Variants in NIBAN2 observed in about 807,000 individuals in gnomAD.
NIBAN2 encodes niban apoptosis regulator 2.
NIBAN2 carries 36 observed loss-of-function variants against 81.8 expected under a neutral mutation model. The observed-to-expected ratio is 0.44, with a 90% CI of 0.34 to 0.58. The LOEUF (loss-of-function observed/expected upper bound fraction) is 0.58. Among genes scored for constraint, NIBAN2 ranks in the 20% least tolerant of loss-of-function variants. NIBAN2 has a pLI of 0.02. For synonymous variants in NIBAN2, 445 were observed against 441.6 expected (o/e 1.01, Z -0.10); for missense variants, 897 against 1,014.1 (o/e 0.88, Z 1.57).
intron 1 of NIBAN2, among the ~76,000 whole-genome samples, chr9:127,553,946 T>A (rs1393880037): frequency 6.6e-6 from 1 of 152,062 alleles, no homozygotes; most frequent in Non-Finnish European, 1.5e-5. Context: ...GCTTTCCCAG[T>A]TGGATGGTAC....
chr9:127,524,914 A>T (rs1363365241), intron 4 of NIBAN2, 144 bp downstream of exon 4: 2 of 622,394 alleles, frequency 3.2e-6, no homozygotes, highest in Non-Finnish European at 5.7e-6. Context: ...AAGGCAAACA[A>T]TGAGGTCTCC....
In NIBAN2 at chr9:127,508,323, G is replaced by T. The variant is rs952907406; in HGVS notation, c.1434+99C>A. On this transcript the variant is annotated intron_variant, in intron 11 of 13. Transcript: ENST00000373312. The surrounding 1 kb of genome is among the most constrained non-coding windows in gnomAD (Gnocchi z 6.4). ...CTCATCCGCACAAGAGGACCATGGC[G>T]CCTCCTTGCAGGGACAGCAATCCTG... is the stretch of plus-strand genomic sequence containing the variant. The T allele has an allele frequency of 3.0e-6, 4 of 1,323,146 alleles. No homozygotes were observed. Among genetic ancestry groups the T allele is most frequent in the East Asian group, 4.6e-5 (2 of 43,428 alleles). 82.0% of individuals were successfully genotyped at this position (1,323,146 alleles called of 1,614,324 possible).
intron 3 of NIBAN2, among the ~76,000 whole-genome samples, chr9:127,526,822 C>T (rs146054774): frequency 6.6e-6 from 1 of 152,138 alleles, no homozygotes; most frequent in African/African-American, 2.4e-5. Flanking sequence ...CTGTGGCTGT[C>T]GAGGGTGGGA....
intron 1 of NIBAN2, among the ~76,000 whole-genome samples, chr9:127,567,458 CCT>C (rs1364398738): frequency 1.3e-5 from 2 of 152,194 alleles, no homozygotes; most frequent in Admixed American, 1.3e-4. Flanking sequence ...CCCAGTCACC[CCT>C]GTGCCCAGCC....
chr9:127,523,810 T>C lies in NIBAN2; in HGVS notation c.458A>G (p.Lys153Arg), dbSNP rs1300814996. The C allele has an allele frequency of 6.2e-7, 1 of 1,613,334 alleles. No homozygotes were observed. The highest frequency in any genetic ancestry group is 8.5e-7 in the Non-Finnish European group (1 of 1,179,374). Residue 153 changes from lysine to arginine, a missense_variant, in exon 5 of 14, where the codon AAG becomes AGG. Physicochemically the swap from Lys to Arg is conservative, Grantham distance 26. This residue lies in a region of NIBAN2 where 209 missense variants were observed against 208.4 expected (regional missense o/e 1.00). Coordinates refer to ENST00000373312, the MANE Select transcript of NIBAN2 (RefSeq NM_022833.4). ...TAKSGSAPIL[K>R]CPTQFPLILW... ...GATGAGCGGGAACTGTGTGGGGCACTTGAGGATGGGGGCACTGCCCGACTT... is the reference window on the plus strand; with the variant it reads ...GATGAGCGGGAACTGTGTGGGGCACCTGAGGATGGGGGCACTGCCCGACTT...
intron 1 of NIBAN2, among the ~76,000 whole-genome samples, chr9:127,542,028 G>A (rs1448628950): frequency 2.0e-5 from 3 of 152,110 alleles, no homozygotes; most frequent in African/African-American, 4.8e-5. Context: ...TGTGCCCGCC[G>A]CAGCCACTGA....
At chr9:127,523,915 T>C (rs928909555) in intron 4 of NIBAN2, 69 bp from the exon 5 acceptor site, 6 of 1,521,962 alleles carry the variant, frequency 3.9e-6, no homozygotes, top group Non-Finnish European at 5.4e-6. Flanking sequence ...GTCAGAGAAC[T>C]GATCCCTTGG....
At chr9:127,543,067 A>G (rs1378304315) in intron 1 of NIBAN2, among the ~76,000 whole-genome samples, 1 of 152,164 alleles carries the variant, frequency 6.6e-6, no homozygotes, top group African/African-American at 2.4e-5. Flanking sequence ...TCCCTTAAAG[A>G]CAGCATCCCT....
intron 1 of NIBAN2, among the ~76,000 whole-genome samples, chr9:127,544,856 C>G (rs939993533): frequency 6.6e-5 from 10 of 152,200 alleles, no homozygotes; most frequent in African/African-American, 2.2e-4. Flanking sequence ...ATGGCACATT[C>G]CCTCATTCAT....
chr9:127,507,047 T>A lies in NIBAN2; in HGVS notation c.2039A>T (p.Glu680Val). ...GPLLNGAPAGESPQPKAAPEA... is the reference protein window; with the variant it reads ...GPLLNGAPAGVSPQPKAAPEA... ...GGGGGCGGCCTTAGGCTGGGGACTC[T>A]CCCCAGCGGGGGCCCCGTTGAGCAG... Residue 680 changes from glutamate (E) to valine (V), a missense_variant, in exon 14 of 14, where the codon GAG becomes GTG. This residue lies in a region of NIBAN2 where 619 missense variants were observed against 691.0 expected (regional missense o/e 0.90). Transcript: ENST00000373312. The surrounding 1 kb of genome is among the most constrained non-coding windows in gnomAD (Gnocchi z 6.8). 1 of 1,581,138 alleles carries A rather than the reference T, an allele frequency of 6.3e-7. No individual in the cohort carries two copies. Among genetic ancestry groups the A allele is most frequent in the Non-Finnish European group, 8.6e-7 (1 of 1,162,718 alleles).
chr9:127,509,637 G>A (rs895621305), intron 9 of NIBAN2, among the ~76,000 whole-genome samples: 6 of 152,058 alleles, frequency 3.9e-5, no homozygotes, highest in Non-Finnish European at 5.9e-5. Flanking sequence ...TGGAGACTGT[G>A]GAAGGACGTT....
rs1588150086 is a variant in NIBAN2, at chr9:127,508,642, C to T, written c.1318-104G>A. On this transcript the variant is annotated intron_variant, in intron 10 of 13. Coordinates refer to ENST00000373312, the MANE Select transcript of NIBAN2 (RefSeq NM_022833.4). This position sits in a 1 kb window ranked among gnomAD's most constrained non-coding sequence, Gnocchi z 6.4. ...CCTCAACCAGCCCCCCACCCCGAGG[C>T]CTGCCAGGGAGGAATGGCAAGCGGT... is the stretch of plus-strand genomic sequence containing the variant. The T allele has an allele frequency of 1.0e-6, 1 of 993,646 alleles. No homozygotes were observed. Among genetic ancestry groups the T allele is most frequent in the Non-Finnish European group, 1.6e-6 (1 of 634,236 alleles). 61.6% of individuals were successfully genotyped at this position (993,646 alleles called of 1,614,324 possible). A position where few individuals can be genotyped will look rare whatever the true frequency, so the allele number is the denominator to read the frequency against.
At chr9:127,554,946 C>T (rs1464024659) in intron 1 of NIBAN2, among the ~76,000 whole-genome samples, 1 of 151,868 alleles carries the variant, frequency 6.6e-6, no homozygotes, top group African/African-American at 2.4e-5. Flanking sequence ...AAACAAAAAA[C>T]AAAAAACAAA....
intron 1 of NIBAN2, among the ~76,000 whole-genome samples, chr9:127,548,654 G>A (rs574200699): frequency 4.4e-4 from 67 of 152,212 alleles, no homozygotes; most frequent in African/African-American, 1.5e-3. Flanking sequence ...CATCCAGATC[G>A]ATGCTAATGA....
chr9:127,510,113 G>A, intron 9 of NIBAN2, 33 bp downstream of exon 9: 2 of 1,580,540 alleles, frequency 1.3e-6, no homozygotes, highest in Admixed American at 1.7e-5. Flanking sequence ...CTACTCTCAG[G>A]AGACCCCCTC....
At chr9:127,527,416 C>T (rs1011136099) in intron 2 of NIBAN2, 94 bp from the exon 3 acceptor site, 9 of 1,226,404 alleles carry the variant, frequency 7.3e-6, no homozygotes, top group Non-Finnish European at 1.1e-5. Context: ...CCTGTGTGCG[C>T]ACCCCCTGCC....
chr9:127,508,329 T>G lies in NIBAN2; in HGVS notation c.1434+93A>C. On this transcript the variant is annotated intron_variant, in intron 11 of 13. Transcript: ENST00000373312. This position sits in a 1 kb window ranked among gnomAD's most constrained non-coding sequence, Gnocchi z 6.4. ...CGCACAAGAGGACCATGGCGCCTCCTTGCAGGGACAGCAATCCTGGTGGTG... is the reference window on the plus strand; with the variant it reads ...CGCACAAGAGGACCATGGCGCCTCCGTGCAGGGACAGCAATCCTGGTGGTG... 2.2e-6 allele frequency: 3 copies of G among 1,358,880 alleles called. No homozygotes were observed. The highest frequency in any genetic ancestry group is 3.1e-6 in the Non-Finnish European group (3 of 959,630). The allele number at this position is 1,358,880 out of a possible 1,614,324, so 84.2% of individuals were successfully genotyped here.
At chr9:127,513,470 T>C (rs544674716) in intron 8 of NIBAN2, among the ~76,000 whole-genome samples, 2 of 152,238 alleles carry the variant, frequency 1.3e-5, no homozygotes, top group South Asian at 2.1e-4. Flanking sequence ...TGGGATGAGA[T>C]AGGTCGGCAC....
chr9:127,532,238 C>T (rs1250994041), intron 1 of NIBAN2, among the ~76,000 whole-genome samples: 3 of 152,144 alleles, frequency 2.0e-5, no homozygotes, highest in South Asian at 2.1e-4. Flanking sequence ...GAGGCCATAG[C>T]GGGGAGCAGC....
Sources: gnomAD v4.1 joint callset for allele counts (sites outside exome capture counted in the v4.1 genomes callset) on GRCh38, gnomAD v4.1.1 for gene constraint, gnomAD v4.1.1 regional missense constraint, Gnocchi (gnomAD v3.1) non-coding constraint, MANE v1.5 for transcripts, NCBI Gene and HGNC (gene_info 2026-07-23, HGNC 2026-07-21) for gene names.